The following AAK1 variants were observed in gnomAD, a reference collection of about 807,000 sequenced individuals.
The protein encoded by AAK1 is AP2-associated protein kinase 1.
AAK1 carries 37 observed loss-of-function variants against 116.0 expected under a neutral mutation model. The observed-to-expected ratio is 0.32, with a 90% CI of 0.25 to 0.42. AAK1 has a LOEUF of 0.42. Ranked by LOEUF, AAK1 falls within the 10% of genes least tolerant of loss-of-function variation. The pLI is 1.00. For missense variants in AAK1, 919 were observed against 1,170.6 expected (o/e 0.79, Z 3.14); for synonymous variants, 458 against 439.9 (o/e 1.04, Z -0.51).
intron 9 of AAK1, among the ~76,000 whole-genome samples, chr2:69,525,606 G>A (rs766467751): frequency 2.0e-5 from 3 of 152,160 alleles, no homozygotes; most frequent in Non-Finnish European, 4.4e-5. Flanking sequence ...TCTGTGTATG[G>A]CTGCTGAGCC....
Position 69,467,124 on chromosome 2 carries a change from T to C in AAK1, c.*8745A>G. The C allele has an allele frequency of 1.0e-6, 1 of 985,432 alleles. No homozygotes were observed. The highest frequency in any genetic ancestry group is 1.7e-5 in the African/African-American group (1 of 57,356). 61.0% of individuals were successfully genotyped at this position (985,432 alleles called of 1,614,324 possible). A position where few individuals can be genotyped will look rare whatever the true frequency, so the allele number is the denominator to read the frequency against. On this transcript the variant is annotated 3_prime_UTR_variant, in exon 22 of 22. Coordinates refer to ENST00000409085, the MANE Select transcript of AAK1 (RefSeq NM_014911.5). ...ATACGAGTGCCCAAAATATAAATACTGAAGGTACCTTCTGAGGGGAGCATA... is the reference window on the plus strand; with the variant it reads ...ATACGAGTGCCCAAAATATAAATACCGAAGGTACCTTCTGAGGGGAGCATA...
At chr2:69,564,572 G>C (rs1402037036) in intron 2 of AAK1, among the ~76,000 whole-genome samples, 1 of 152,202 alleles carries the variant, frequency 6.6e-6, no homozygotes, top group Non-Finnish European at 1.5e-5. Context: ...CGAAGGTGTA[G>C]ATGTGTACAG....
intron 14 of AAK1, 91 bp downstream of exon 14, chr2:69,509,140 T>C: frequency 9.4e-7 from 1 of 1,062,116 alleles, no homozygotes; most frequent in Non-Finnish European, 1.4e-6. Flanking sequence ...ATTACACACA[T>C]CTACACACTT....
rs1368112506 is a variant in AAK1, at chr2:69,467,100, T to C, written c.*8769A>G. 2.0e-6 allele frequency: 2 copies of C among 985,298 alleles called. No individual in the cohort carries two copies. The highest frequency in any genetic ancestry group is 1.1e-4 in the East Asian group (1 of 8,832). The allele number at this position is 985,298 out of a possible 1,614,324, so 61.0% of individuals were successfully genotyped here. A position where few individuals can be genotyped will look rare whatever the true frequency, so the allele number is the denominator to read the frequency against. ...CATCACAAGCACTACTCAAAGAGCA[T>C]ACGAGTGCCCAAAATATAAATACTG... On this transcript the variant is annotated 3_prime_UTR_variant, in exon 22 of 22. Transcript: ENST00000409085.
chr2:69,530,034 T>C lies in AAK1; in HGVS notation c.845A>G (p.Tyr282Cys). Reference protein sequence around the residue: ...GNFTIPDNSRYSQDMHCLIRY... With the variant: ...GNFTIPDNSRCSQDMHCLIRY... ...AATTAGGCAGTGCATGTCTTGAGAA[T>C]ATCGAGAATTATCAGGAATTGTGAA... is the stretch of plus-strand genomic sequence containing the variant. The change falls in exon 8 of 22, where the codon TAT becomes TGT. Residue 282 changes from tyrosine (Y) to cysteine (C), a missense_variant. By Grantham distance (194) the Tyr-to-Cys change is radical (BLOSUM62 -2). This residue lies in a region of AAK1 where 317 missense variants were observed against 490.4 expected (regional missense o/e 0.65). Transcript: ENST00000409085. 1 of 1,599,596 alleles carries C rather than the reference T, an allele frequency of 6.3e-7. No homozygotes were observed. Among genetic ancestry groups the C allele is most frequent in the Non-Finnish European group, 8.5e-7 (1 of 1,173,216 alleles).
At position 69,577,417 on chromosome 2, in the gene AAK1, G is replaced by GGTGCC. The variant is rs201922422; in HGVS notation, c.164-20444_164-20440dup. Among the ~76,000 whole-genome samples the GGTGCC allele has an allele frequency of 6.4e-3, 967 of 152,222 alleles. 18 individuals carry two copies. The highest frequency in any genetic ancestry group is 0.011 in the East Asian group (59 of 5,180). The stretch of plus-strand genomic sequence containing the variant: ...ACCCCACGTACTTAAGAGGGGGCAG[G>GGTGCC]GTGCCATCCTGAGGAACTAGACTAC... On this transcript the variant is annotated intron_variant, in intron 2 of 21. Transcript: ENST00000409085.
intron 2 of AAK1, among the ~76,000 whole-genome samples, chr2:69,639,181 G>C (rs1675587843): frequency 6.6e-6 from 1 of 152,152 alleles, no homozygotes; most frequent in South Asian, 2.1e-4. Flanking sequence ...CCACCTTATA[G>C]TTCCAGAATG....
intron 5 of AAK1, among the ~76,000 whole-genome samples, chr2:69,538,497 C>T (rs1350492052): frequency 6.6e-6 from 1 of 152,242 alleles, no homozygotes; most frequent in Non-Finnish European, 1.5e-5. Context: ...GCAGTGCTAT[C>T]CTGGTAACTA....
chr2:69,641,104 A>C (rs1675702801), intron 2 of AAK1, among the ~76,000 whole-genome samples: 1 of 152,238 alleles, frequency 6.6e-6, no homozygotes, highest in Non-Finnish European at 1.5e-5. Flanking sequence ...AAGGCAGCCT[A>C]GGTAACAAAG....
chr2:69,562,796 A>G (rs1200954746), intron 2 of AAK1, among the ~76,000 whole-genome samples: 1 of 152,204 alleles, frequency 6.6e-6, no homozygotes, highest in South Asian at 2.1e-4. Context: ...AGCCTGAGGC[A>G]GGAGAATTGC....
intron 5 of AAK1, among the ~76,000 whole-genome samples, chr2:69,533,609 G>C (rs183582746): frequency 1.3e-5 from 2 of 152,256 alleles, no homozygotes; most frequent in African/African-American, 4.8e-5. Flanking sequence ...GGTGTTGTGA[G>C]GAGCTTTTTG....
intron 2 of AAK1, among the ~76,000 whole-genome samples, chr2:69,564,710 C>T (rs1308530845): frequency 6.6e-6 from 1 of 152,128 alleles, no homozygotes; most frequent in Non-Finnish European, 1.5e-5. Flanking sequence ...GTCCTCTTAC[C>T]TGCCAAGGGC....
chr2:69,613,707 G>A (rs1006868860), intron 2 of AAK1, among the ~76,000 whole-genome samples: 3 of 152,224 alleles, frequency 2.0e-5, no homozygotes, highest in African/African-American at 7.2e-5. Context: ...AGGGTGGCAT[G>A]CCCAGAGAGG....
chr2:69,471,675 A>G lies in AAK1; in HGVS notation c.*4194T>C. 1 of 985,126 alleles carries G rather than the reference A, an allele frequency of 1.0e-6. No homozygotes were observed. The highest frequency in any genetic ancestry group is 1.7e-5 in the African/African-American group (1 of 57,270). 61.0% of individuals were successfully genotyped at this position (985,126 alleles called of 1,614,324 possible). A position where few individuals can be genotyped will look rare whatever the true frequency, so the allele number is the denominator to read the frequency against. ...AAGGACTCTGGGAAATCACAGAAAA[A>G]CCTTATCAAGAGAGACTTTATTTTG... On this transcript the variant is annotated 3_prime_UTR_variant, in exon 22 of 22. Transcript: ENST00000409085.
At chr2:69,586,480 C>T (rs1558981827) in intron 2 of AAK1, among the ~76,000 whole-genome samples, 3 of 152,182 alleles carry the variant, frequency 2.0e-5, no homozygotes, top group East Asian at 1.9e-4. Flanking sequence ...ACACAAAAGA[C>T]GTCAGGAAAC....
intron 2 of AAK1, among the ~76,000 whole-genome samples, chr2:69,559,583 G>T (rs1266844377): frequency 6.6e-6 from 1 of 152,136 alleles, no homozygotes; most frequent in South Asian, 2.1e-4. Context: ...AAAAATCACG[G>T]AACTACAGAC....
At chr2:69,567,108 T>C (rs1435075215) in intron 2 of AAK1, among the ~76,000 whole-genome samples, 7 of 152,214 alleles carry the variant, frequency 4.6e-5, no homozygotes, top group African/African-American at 1.2e-4. Context: ...GCTCACTCTG[T>C]TCCAGCCACA....
intron 2 of AAK1, among the ~76,000 whole-genome samples, chr2:69,620,291 C>T (rs1674542580): frequency 6.6e-6 from 1 of 152,132 alleles, no homozygotes; most frequent in Non-Finnish European, 1.5e-5. Context: ...CTACTCCATT[C>T]CCTCCTGTCT....
intron 3 of AAK1, among the ~76,000 whole-genome samples, chr2:69,555,716 G>T (rs1671363227): frequency 6.6e-6 from 1 of 152,090 alleles, no homozygotes; most frequent in African/African-American, 2.4e-5. Flanking sequence ...CTTACTTCCT[G>T]ATAGCAGAAC....
Sources: allele counts gnomAD v4.1 joint callset (sites outside exome capture counted in the v4.1 genomes callset), GRCh38; gene constraint gnomAD v4.1.1; regional missense constraint gnomAD v4.1.1; transcripts MANE v1.5; gene names NCBI Gene and HGNC (gene_info 2026-07-23, HGNC 2026-07-21).